SLC12A3: variants seen among roughly 807,000 people sequenced by gnomAD.
SLC12A3 encodes solute carrier family 12 member 3.
A neutral mutation model predicts 121.0 loss-of-function variants in SLC12A3; 104 were observed. The ratio of observed to expected loss-of-function variants is 0.86; its 90% CI spans 0.73 to 1.01. The LOEUF is 1.01. Ranked by LOEUF, SLC12A3 falls within the 50% of genes least tolerant of loss-of-function variation. The pLI is 0.00. For synonymous variants in SLC12A3, 536 were observed against 533.4 expected (o/e 1.00, Z -0.07); for missense variants, 1,328 against 1,356.3 (o/e 0.98, Z 0.33).
Position 56,886,453 on chromosome 16 carries a change from T to A in SLC12A3, c.2015T>A (p.Met672Lys). ...VGTFTRNLSL[M>K]ICGHVLIGPH... ...ACCTTCACCCGGAACCTCAGCCTGA[T>A]GATCTGTGGCCACGTGCTCATCGTG... Residue 672 changes from methionine to lysine, a missense_variant, in exon 16 of 26, where the codon ATG (methionine) becomes AAG (lysine). Transcript: ENST00000563236. The A allele has an allele frequency of 4.3e-6, 7 of 1,613,970 alleles. No homozygotes were observed. The highest frequency in any genetic ancestry group is 5.9e-6 in the Non-Finnish European group (7 of 1,179,976).
At chr16:56,879,687 G>A (rs755784450) in intron 11 of SLC12A3, 38 bp downstream of exon 11, 2 of 1,509,242 alleles carry the variant, frequency 1.3e-6, no homozygotes, top group Non-Finnish European at 1.8e-6. Context: ...ACAGGGGGTG[G>A]GGAGCCTGGG....
chr16:56,880,249 C>G lies in SLC12A3; in HGVS notation c.1563C>G (p.Ile521Met). 1 of 1,579,470 alleles carries G rather than the reference C, an allele frequency of 6.3e-7. No homozygotes were observed. The change falls in exon 12 of 26, where the codon ATC becomes ATG. Residue 521 changes from isoleucine to methionine, a missense_variant. Ile to Met is a conservative substitution (Grantham distance 10). Transcript: ENST00000563236. ...LAYAIAVAFIIIAELNTIAPI... is the reference protein window; with the variant it reads ...LAYAIAVAFIMIAELNTIAPI... ...ACGCCATCGCTGTGGCCTTCATCAT[C>G]ATCGGTAAGGCTCTGCCAGGGCTCA... is the stretch of plus-strand genomic sequence containing the variant.
intron 21 of SLC12A3, among the ~76,000 whole-genome samples, chr16:56,893,559 C>A (rs1272908083): frequency 5.9e-5 from 9 of 152,162 alleles, no homozygotes; most frequent in African/African-American, 1.7e-4. Flanking sequence ...CTAATCCAGT[C>A]CCCAGGTAGG....
intron 5 of SLC12A3, 75 bp downstream of exon 5, chr16:56,870,310 T>C: frequency 6.7e-7 from 1 of 1,489,704 alleles, no homozygotes; most frequent in Non-Finnish European, 9.1e-7. Context: ...CCATCTGGGC[T>C]GGGGCCTCCT....
intron 8 of SLC12A3, among the ~76,000 whole-genome samples, chr16:56,873,893 G>T (rs936504234): frequency 1.3e-5 from 2 of 151,470 alleles, no homozygotes; most frequent in Non-Finnish European, 2.9e-5. Flanking sequence ...TGTATTTTTA[G>T]TAGAGACAGG....
intron 8 of SLC12A3, among the ~76,000 whole-genome samples, chr16:56,876,010 G>A (rs1045552068): frequency 5.3e-5 from 8 of 151,824 alleles, no homozygotes; most frequent in African/African-American, 1.2e-4. Context: ...TTCCCTCCCC[G>A]TTCAGGAGGC....
intron 23 of SLC12A3, among the ~76,000 whole-genome samples, chr16:56,901,952 C>A (rs2055544344): frequency 6.6e-6 from 1 of 152,226 alleles, no homozygotes; most frequent in African/African-American, 2.4e-5. Flanking sequence ...CCCAGAAGGG[C>A]CTTCCCCACC....
chr16:56,901,619 C>A (rs1285108753), intron 23 of SLC12A3, among the ~76,000 whole-genome samples: 2 of 152,170 alleles, frequency 1.3e-5, no homozygotes, highest in Non-Finnish European at 2.9e-5. Context: ...GGATTACAGG[C>A]GTGAGCCACT....
At chr16:56,873,904 G>A (rs562157604) in intron 8 of SLC12A3, among the ~76,000 whole-genome samples, 84 of 151,650 alleles carry the variant, frequency 5.5e-4, no homozygotes, top group Non-Finnish European at 9.1e-4. Flanking sequence ...TAGAGACAGG[G>A]TTTCGCCATG....
At position 56,888,017 on chromosome 16, in the gene SLC12A3, C is replaced by T. The variant is rs2055342326; in HGVS notation, c.2271C>T (p.Tyr757=). The change falls in exon 18 of 26, where the codon TAC becomes TAT. Residue 757 remains tyrosine (Y), a synonymous_variant. Coordinates refer to ENST00000563236, the MANE Select transcript of SLC12A3 (RefSeq NM_001126108.2). ...CTCACCCGGCCACAGTGGAAGACTA[C>T]ATTGGCATCCTCCAGTGAGTCGGGG... ...QSAHPATVED[Y]IGILHDAFDF... The T allele has an allele frequency of 6.2e-7, 1 of 1,609,650 alleles. No individual in the cohort carries two copies. Among genetic ancestry groups the T allele is most frequent in the South Asian group, 1.1e-5 (1 of 91,016 alleles).
intron 1 of SLC12A3, among the ~76,000 whole-genome samples, chr16:56,866,640 G>T (rs1337631732): frequency 2.6e-5 from 4 of 152,080 alleles, no homozygotes; most frequent in South Asian, 2.1e-4. Context: ...GAGCAGGAGC[G>T]CCCAGGACTC....
intron 8 of SLC12A3, 50 bp from the exon 9 acceptor site, chr16:56,878,027 C>CCTCCCTCTCTCCCTCCCTCCCTCG: frequency 1.5e-6 from 1 of 661,072 alleles, no homozygotes; most frequent in South Asian, 1.7e-5. Context: ...TCCGTCCCTC[C>CCTCCCTCTCTCCCTCCCTCCCTCG]CTCCCTCTCT....
At chr16:56,889,367 T>C (rs1366729275) in intron 18 of SLC12A3, among the ~76,000 whole-genome samples, 2 of 152,230 alleles carry the variant, frequency 1.3e-5, no homozygotes, top group East Asian at 1.9e-4. Flanking sequence ...GGGAGGGCAG[T>C]GCGCAGCCCA....
chr16:56,865,557 G>C, intron 1 of SLC12A3, 40 bp downstream of exon 1: 1 of 1,601,544 alleles, frequency 6.2e-7, no homozygotes, highest in Non-Finnish European at 8.5e-7. Flanking sequence ...TCCCTGCTGT[G>C]TGACCTCGAC....
At position 56,870,650 on chromosome 16, in the gene SLC12A3, C is replaced by G; in HGVS notation, c.766C>G (p.Pro256Ala). Residue 256 changes from proline to alanine, a missense_variant, in exon 6 of 26, where the codon CCC becomes GCC. Transcript: ENST00000563236. ...LQEYGAPIVD[P>A]INDIRIIAVV... is the part of the protein sequence containing the mutation. ...GGAGTATGGGGCACCCATCGTGGAC[C>G]CCATTAACGACATCCGCATCATTGC... is the stretch of plus-strand genomic sequence containing the variant. 6.2e-7 allele frequency: 1 copy of G among 1,612,968 alleles called. No homozygotes were observed.
At position 56,886,385 on chromosome 16, in the gene SLC12A3, G is replaced by A. The variant is rs151041573; in HGVS notation, c.1947G>A (p.Thr649=). 81 of 1,613,784 alleles carry A rather than the reference G, an allele frequency of 5.0e-5. No homozygotes were observed. Among genetic ancestry groups the A allele is most frequent in the Non-Finnish European group, 6.2e-5 (73 of 1,179,958 alleles). Residue 649 remains threonine, a synonymous_variant, in exon 16 of 26, where the codon ACG becomes ACA. Coordinates refer to ENST00000563236, the MANE Select transcript of SLC12A3 (RefSeq NM_001126108.2). The stretch of plus-strand genomic sequence containing the variant: ...TCAGCCCCCAGTGCCTGGTGCTCAC[G>A]GGGCCCCCCAACTTCCGCCCGGCCC... ...KNYRPQCLVL[T]GPPNFRPALV...
chr16:56,866,904 G>A (rs916481800), intron 1 of SLC12A3, among the ~76,000 whole-genome samples, 166 bp from the exon 2 acceptor site: 1 of 152,224 alleles, frequency 6.6e-6, no homozygotes, highest in African/African-American at 2.4e-5. Flanking sequence ...CACTGCTCCT[G>A]GCCTAGGGAG....
chr16:56,893,038 G>T lies in SLC12A3; in HGVS notation c.2505G>T (p.Trp835Cys). The T allele has an allele frequency of 6.2e-7, 1 of 1,614,094 alleles. No homozygotes were observed. Among genetic ancestry groups the T allele is most frequent in the Non-Finnish European group, 8.5e-7 (1 of 1,179,926 alleles). Reference sequence around the variant, plus strand: ...GCAAGAAGACCATAGACATCTACTGGCTCTTTGACGATGGAGGTCAGTGAC... The same window carrying T: ...GCAAGAAGACCATAGACATCTACTGTCTCTTTGACGATGGAGGTCAGTGAC... ...EQGKKTIDIY[W>C]LFDDGGLTLL... The change falls in exon 21 of 26, where the codon TGG (tryptophan) becomes TGT (cysteine). Residue 835 changes from tryptophan to cysteine, a missense_variant. By Grantham distance (215) the Trp-to-Cys change is radical (BLOSUM62 -2). Transcript: ENST00000563236.
rs1411158015 is a variant in SLC12A3 at position 56,914,966 on chromosome 16, G to A, written c.*1561G>A. 6.6e-6 allele frequency: 1 copy of A among 152,194 alleles called. No homozygotes were observed. The highest frequency in any genetic ancestry group is 1.5e-5 in the Non-Finnish European group (1 of 68,154). The allele number at this position is 152,194 out of a possible 1,614,324, so 9.4% of individuals were successfully genotyped here. A position where few individuals can be genotyped will look rare whatever the true frequency, so the allele number is the denominator to read the frequency against. On this transcript the variant is annotated 3_prime_UTR_variant, in exon 26 of 26. Coordinates refer to ENST00000563236, the MANE Select transcript of SLC12A3 (RefSeq NM_001126108.2). ...CTGGCAGGGAGGGGCTGTTAAGAGT[G>A]GGGTTGGAGGTGGGAGAGAAGCTAG...
Sources: allele counts gnomAD v4.1 joint callset (sites outside exome capture counted in the v4.1 genomes callset), GRCh38; gene constraint gnomAD v4.1.1; transcripts MANE v1.5; gene names NCBI Gene and HGNC (gene_info 2026-07-23, HGNC 2026-07-21).